CHN2: variants seen among roughly 807,000 people sequenced by gnomAD.
CHN2 encodes the protein beta-chimaerin.
Under a neutral mutation model 56.3 loss-of-function variants are expected in CHN2, and 35 were observed. The ratio of observed to expected loss-of-function variants is 0.62; its 90% CI spans 0.47 to 0.82. The LOEUF is 0.82. Ranked by LOEUF, CHN2 falls within the 40% of genes least tolerant of loss-of-function variation. The probability of loss-of-function intolerance (pLI) is 0.00; values close to 1 mark genes in which losing one functional copy is unlikely to be tolerated. For synonymous variants in CHN2, 210 were observed against 212.8 expected, an observed-to-expected ratio of 0.99 and a Z score of 0.12; for missense variants, 491 against 580.5, an observed-to-expected ratio of 0.85 and a Z score of 1.58.
chr7:29,346,429 T>A (rs984221801), intron 1 of CHN2, among the ~76,000 whole-genome samples: 2 of 152,204 alleles, frequency 1.3e-5, no homozygotes, highest in African/African-American at 4.8e-5. Flanking sequence ...TGTTCCATGC[T>A]TGACTGAAAA....
At chr7:29,327,543 G>A (rs1172468169) in intron 1 of CHN2, among the ~76,000 whole-genome samples, 3 of 152,130 alleles carry the variant, frequency 2.0e-5, no homozygotes, top group Non-Finnish European at 4.4e-5. Flanking sequence ...TGTCTGCTTG[G>A]ACTGGAGACT....
At chr7:29,368,040 C>G in intron 3 of CHN2, 53 bp downstream of exon 3, 1 of 1,484,424 alleles carries the variant, frequency 6.7e-7, no homozygotes. Context: ...GAATTGTCAG[C>G]ACTATGTAGA....
At chr7:29,149,425 C>T (rs186982355) in intron 2 of CHN2, among the ~76,000 whole-genome samples, 24 of 152,060 alleles carry the variant, frequency 1.6e-4, no homozygotes, top group East Asian at 1.5e-3. Flanking sequence ...AACTCCTGAC[C>T]GCAAGTTATC....
intron 1 of CHN2, among the ~76,000 whole-genome samples, chr7:29,258,052 G>A (rs1415848791): frequency 2.0e-5 from 3 of 152,032 alleles, no homozygotes; most frequent in African/African-American, 7.2e-5. Context: ...CCGAAGTATT[G>A]GGATTACAGG....
At chr7:29,251,812 C>T (rs1436593381) in intron 1 of CHN2, among the ~76,000 whole-genome samples, 5 of 152,164 alleles carry the variant, frequency 3.3e-5, no homozygotes, top group Non-Finnish European at 7.4e-5. Context: ...GTAAGGTATT[C>T]ATCACAAAAA....
In CHN2 at chr7:29,351,341, C is replaced by T. The variant is rs117984571; in HGVS notation, c.50-3284C>T. Among the ~76,000 whole-genome samples the T allele has an allele frequency of 4.1e-3, 629 of 152,108 alleles. 4 individuals carry two copies. Among genetic ancestry groups the T allele is most frequent in the Middle Eastern group, 0.014 (4 of 294 alleles). Reference sequence around the variant, plus strand: ...TTTTGTTTTGTTTTGTTTTGAATGCCTGTTACACGTCAGGCACCTGTCTAA... The same window carrying T: ...TTTTGTTTTGTTTTGTTTTGAATGCTTGTTACACGTCAGGCACCTGTCTAA... On this transcript the variant is annotated intron_variant, in intron 1 of 12. Transcript: ENST00000222792.
chr7:29,153,681 T>C (rs1167754017), intron 2 of CHN2, among the ~76,000 whole-genome samples: 1 of 152,194 alleles, frequency 6.6e-6, no homozygotes, highest in African/African-American at 2.4e-5. Context: ...GGAATTCTCA[T>C]GCCTCAGCCT....
At chr7:29,242,069 G>A (rs1787726802) in intron 1 of CHN2, among the ~76,000 whole-genome samples, 1 of 152,120 alleles carries the variant, frequency 6.6e-6, no homozygotes, top group South Asian at 2.1e-4. Flanking sequence ...AGGTGCATTT[G>A]TAGAACTCAT....
At chr7:29,222,539 A>G (rs1250809891) in intron 1 of CHN2, among the ~76,000 whole-genome samples, 1 of 152,032 alleles carries the variant, frequency 6.6e-6, no homozygotes, top group Non-Finnish European at 1.5e-5. Context: ...GAAATAAGAA[A>G]CAGTAAATCC....
At chr7:29,249,181 G>A (rs190349534) in intron 1 of CHN2, among the ~76,000 whole-genome samples, 182 of 152,268 alleles carry the variant, frequency 1.2e-3, no homozygotes, top group Admixed American at 2.0e-3. Context: ...CTGGCATGCT[G>A]GTAGCATGGC....
At chr7:29,359,533 T>C (rs1013758497) in intron 2 of CHN2, among the ~76,000 whole-genome samples, 2 of 152,148 alleles carry the variant, frequency 1.3e-5, no homozygotes, top group Non-Finnish European at 2.9e-5. Flanking sequence ...CTGCCCTCTC[T>C]GTTCCTTTCC....
At chr7:29,165,679 T>C (rs1172115565) in intron 2 of CHN2, among the ~76,000 whole-genome samples, 2 of 152,234 alleles carry the variant, frequency 1.3e-5, no homozygotes, top group Non-Finnish European at 2.9e-5. Context: ...GTGTTAACTG[T>C]AGGCTTTTCA....
rs530886148 is a variant in CHN2, at chr7:29,317,135, A to G, written c.50-37490A>G. Among the ~76,000 whole-genome samples the G allele has an allele frequency of 7.9e-5, 12 of 152,338 alleles. No individual in the cohort carries two copies. In the East Asian group the frequency reaches 2.3e-3, roughly 29 times the overall value. ...TGCTACACAGATAATGAGCACAGTT[A>G]TGTTTAAATTAAATTAAGTGGGCAC... On this transcript the variant is annotated intron_variant, in intron 1 of 12. Coordinates refer to ENST00000222792, the MANE Select transcript of CHN2 (RefSeq NM_004067.4).
At chr7:29,174,489 A>G (rs1388913201) in intron 2 of CHN2, among the ~76,000 whole-genome samples, 1 of 152,192 alleles carries the variant, frequency 6.6e-6, no homozygotes, top group East Asian at 1.9e-4. Flanking sequence ...CTGATTAGCC[A>G]TGGGGGCACA....
chr7:29,273,371 A>ATGTGTG (rs1554387285), intron 1 of CHN2, among the ~76,000 whole-genome samples: 8 of 48,636 alleles, frequency 1.6e-4, no homozygotes, highest in South Asian at 1.4e-3. Flanking sequence ...ATATATATAT[A>ATGTGTG]TATATATATA....
intron 12 of CHN2, among the ~76,000 whole-genome samples, chr7:29,509,863 AAAAG>A (rs1431738837): frequency 1.3e-5 from 2 of 148,582 alleles, no homozygotes; most frequent in East Asian, 2.0e-4. Flanking sequence ...AAAAAAAAGA[AAAAG>A]AAAGGGGTGC....
intron 2 of CHN2, among the ~76,000 whole-genome samples, chr7:29,155,788 C>T (rs971664677): frequency 1.3e-5 from 2 of 152,154 alleles, no homozygotes; most frequent in African/African-American, 2.4e-5. Flanking sequence ...TGACAAATCT[C>T]ATCCTTGTGA....
intron 1 of CHN2, among the ~76,000 whole-genome samples, chr7:29,327,973 A>G (rs547787710): frequency 6.6e-6 from 1 of 152,328 alleles, no homozygotes; most frequent in African/African-American, 2.4e-5. Context: ...TAACCTCTCC[A>G]AAGCATAATG....
At chr7:29,267,004 A>G (rs1185602001) in intron 1 of CHN2, among the ~76,000 whole-genome samples, 1 of 152,144 alleles carries the variant, frequency 6.6e-6, no homozygotes, top group East Asian at 1.9e-4. Flanking sequence ...AATGGAAAGA[A>G]TCAATATGGG....
Sources: allele counts gnomAD v4.1 joint callset (sites outside exome capture counted in the v4.1 genomes callset), GRCh38; gene constraint gnomAD v4.1.1; transcripts MANE v1.5; gene names NCBI Gene and HGNC (gene_info 2026-07-23, HGNC 2026-07-21).